The following REDIC1 variants were observed in gnomAD, a reference collection of about 807,000 sequenced individuals.
The protein encoded by REDIC1 is HEI10 Interacting Protein 1.
chr12:39,698,867 A>T, the REDIC1 span, among the ~76,000 whole-genome samples: 2 of 152,226 alleles, frequency 1.3e-5, no homozygotes, highest in East Asian at 3.8e-4. Context: ...TCGTAGCTCT[A>T]AAAGTCTACA....
chr12:39,664,450 C>G, the REDIC1 span, among the ~76,000 whole-genome samples: 1 of 152,068 alleles, frequency 6.6e-6, no homozygotes, highest in Non-Finnish European at 1.5e-5. Context: ...GTATATGTGC[C>G]ACATTTTCTT....
chr12:39,892,640 C>G, the REDIC1 span, among the ~76,000 whole-genome samples: 1 of 152,118 alleles, frequency 6.6e-6, no homozygotes, highest in South Asian at 2.1e-4. Flanking sequence ...ATCTGCCACA[C>G]AACTACAGAA....
the REDIC1 span, among the ~76,000 whole-genome samples, chr12:39,880,371 A>C: frequency 1.3e-5 from 2 of 152,240 alleles, no homozygotes; most frequent in African/African-American, 4.8e-5. Context: ...TGAAATTTTC[A>C]AACATATTTT....
chr12:39,714,250 C>T, the REDIC1 span, among the ~76,000 whole-genome samples: 600 of 111,018 alleles, frequency 5.4e-3, 59 homozygotes, highest in African/African-American at 0.018. Context: ...TATGTATATA[C>T]GTATATGCAT....
At chr12:39,701,132 A>G in the REDIC1 span, among the ~76,000 whole-genome samples, 3 of 140,918 alleles carry the variant, frequency 2.1e-5, no homozygotes, top group African/African-American at 7.7e-5. Flanking sequence ...ATTAAAAGAC[A>G]CAGATTGGCA....
At chr12:39,704,880 C>T in the REDIC1 span, among the ~76,000 whole-genome samples, 2 of 151,760 alleles carry the variant, frequency 1.3e-5, no homozygotes, top group African/African-American at 4.8e-5. Flanking sequence ...AATGAGAACA[C>T]ATGGACACAG....
chr12:39,832,513 T>G, the REDIC1 span, among the ~76,000 whole-genome samples: 3 of 152,034 alleles, frequency 2.0e-5, no homozygotes, highest in African/African-American at 7.2e-5. Context: ...AACAAATAAC[T>G]TCCTCCACCA....
the REDIC1 span, among the ~76,000 whole-genome samples, chr12:39,710,991 C>T: frequency 4.0e-5 from 6 of 151,370 alleles, no homozygotes; most frequent in Non-Finnish European, 5.9e-5. Context: ...GTGCACCCAT[C>T]ACCCGAGCAG....
the REDIC1 span, among the ~76,000 whole-genome samples, chr12:39,809,512 AATT>A: frequency 6.6e-6 from 1 of 151,982 alleles, no homozygotes; most frequent in Non-Finnish European, 1.5e-5. Flanking sequence ...CTTTTTTAAA[AATT>A]ATTATTATAC....
chr12:39,669,714 C>T, the REDIC1 span, among the ~76,000 whole-genome samples: 1 of 152,214 alleles, frequency 6.6e-6, no homozygotes, highest in Non-Finnish European at 1.5e-5. Flanking sequence ...GTTGGAGCTT[C>T]CTGGCTGCTT....
At chr12:39,896,967 A>T in the REDIC1 span, among the ~76,000 whole-genome samples, 1 of 152,178 alleles carries the variant, frequency 6.6e-6, no homozygotes, top group South Asian at 2.1e-4. Context: ...CACTTCTCTA[A>T]CTTTTAACCA....
chr12:39,661,466 G>A, the REDIC1 span, among the ~76,000 whole-genome samples: 1 of 151,940 alleles, frequency 6.6e-6, no homozygotes, highest in Non-Finnish European at 1.5e-5. Context: ...CTTTTGAGAA[G>A]TGTCTATATC....
At chr12:39,871,577 CT>C in the REDIC1 span, among the ~76,000 whole-genome samples, 49 of 151,782 alleles carry the variant, frequency 3.2e-4, no homozygotes, top group Non-Finnish European at 6.9e-4. Flanking sequence ...CCAAATTATT[CT>C]TGCAGTTTGT....
the REDIC1 span, among the ~76,000 whole-genome samples, chr12:39,734,979 T>G: frequency 6.6e-6 from 1 of 152,372 alleles, no homozygotes; most frequent in South Asian, 2.1e-4. Flanking sequence ...ATGCTGTATC[T>G]CTTTATTTAT....
chr12:39,656,370 C>T, the REDIC1 span, among the ~76,000 whole-genome samples: 5 of 152,024 alleles, frequency 3.3e-5, no homozygotes, highest in South Asian at 4.1e-4. Flanking sequence ...CTAGTGACAT[C>T]GTAGCTATTG....
At chr12:39,889,436 G>T in the REDIC1 span, among the ~76,000 whole-genome samples, 1 of 151,508 alleles carries the variant, frequency 6.6e-6, no homozygotes, top group East Asian at 1.9e-4. Flanking sequence ...TTTTACAACT[G>T]CTGTAAACTA....
chr12:39,675,848 C>A, the REDIC1 span, among the ~76,000 whole-genome samples: 1 of 152,132 alleles, frequency 6.6e-6, no homozygotes, highest in Admixed American at 6.5e-5. Flanking sequence ...GGGGGCTAGA[C>A]CCAATCACTG....
the REDIC1 span, among the ~76,000 whole-genome samples, chr12:39,749,130 A>T: frequency 6.6e-6 from 1 of 152,200 alleles, no homozygotes; most frequent in African/African-American, 2.4e-5. Context: ...TGAATCCAGG[A>T]ACTGGTTTTT....
chr12:39,781,500 T>G, the REDIC1 span, among the ~76,000 whole-genome samples: 1 of 152,236 alleles, frequency 6.6e-6, no homozygotes, highest in Non-Finnish European at 1.5e-5. Flanking sequence ...AATACATATT[T>G]GTTTAATGAA....
Sources: gnomAD v4.1 joint callset for allele counts (sites outside exome capture counted in the v4.1 genomes callset) on GRCh38, gnomAD v4.1.1 for gene constraint, MANE v1.5 for transcripts, NCBI Gene and HGNC (gene_info 2026-07-23, HGNC 2026-07-21) for gene names.